The following APBB2 variants were observed in gnomAD, a reference collection of about 807,000 sequenced individuals.
APBB2 encodes the protein amyloid beta precursor protein binding family B member 2.
A neutral mutation model predicts 82.5 loss-of-function variants in APBB2; 38 were observed. The observed-to-expected ratio is 0.46, with a 90% CI of 0.36 to 0.60. The LOEUF (loss-of-function observed/expected upper bound fraction) is 0.60. APBB2 is among the 20% of genes least tolerant of loss of function. APBB2 has a pLI of 0.00. For missense variants in APBB2, 772 were observed against 972.3 expected (o/e 0.79, Z 2.74); for synonymous variants, 341 against 368.2 (o/e 0.93, Z 0.85).
At chr4:40,987,315 A>G (rs1800650408) in intron 6 of APBB2, among the ~76,000 whole-genome samples, 2 of 152,234 alleles carry the variant, frequency 1.3e-5, no homozygotes. Flanking sequence ...GGCACAAAAC[A>G]TACTTCAGCA....
intron 1 of APBB2, among the ~76,000 whole-genome samples, chr4:41,196,021 G>T: frequency 7.0e-6 from 1 of 142,144 alleles, no homozygotes; most frequent in Non-Finnish European, 1.5e-5. Context: ...TTAGCTGGGT[G>T]TGGTGGCGGC....
intron 10 of APBB2, among the ~76,000 whole-genome samples, chr4:40,907,373 A>ATATG (rs1777215053): frequency 2.7e-5 from 1 of 37,418 alleles, no homozygotes; most frequent in Non-Finnish European, 4.5e-5. Context: ...ATATATATAT[A>ATATG]TATATATTTT....
intron 10 of APBB2, among the ~76,000 whole-genome samples, chr4:40,923,127 C>T (rs1443932627): frequency 3.3e-5 from 5 of 151,976 alleles, no homozygotes; most frequent in African/African-American, 9.7e-5. Flanking sequence ...AGGCGCCCGC[C>T]ACCGCGCCCG....
intron 1 of APBB2, among the ~76,000 whole-genome samples, chr4:41,210,872 G>A (rs906312250): frequency 1.1e-4 from 16 of 152,204 alleles, no homozygotes; most frequent in African/African-American, 3.6e-4. Context: ...TTTCAGAGGG[G>A]TTTTCTTAGA....
intron 6 of APBB2, among the ~76,000 whole-genome samples, chr4:40,956,944 G>A (rs1194825158): frequency 2.0e-5 from 3 of 152,088 alleles, no homozygotes; most frequent in Admixed American, 2.0e-4. Context: ...CATTTTCTCG[G>A]GGCTGTATTA....
Position 40,896,292 on chromosome 4 carries a change from G to C in APBB2, c.1255-2881C>G, listed in dbSNP as rs187580362. ...TTGGCCAGGCTGGCCTTGAATTGCT[G>C]ACCTCAAGTGATTGGCCTGCCTTGG... On this transcript the variant is annotated intron_variant, in intron 10 of 17. Transcript: ENST00000508593. 9.8e-5 allele frequency among the ~76,000 whole-genome samples: 15 copies of C among 152,302 alleles called. No individual in the cohort carries two copies. The East Asian group carries it at 2.7e-3, about 27-fold the overall frequency.
Position 41,033,276 on chromosome 4 carries a change from G to C in APBB2, c.-22C>G. ...ACATGGATCACCAGGCGTCAGCAAT[G>C]GTGCAGGAAATAGGTTATAATTTGA... On this transcript the variant is annotated 5_prime_UTR_variant, in exon 5 of 18. Coordinates refer to ENST00000508593, the MANE Select transcript of APBB2 (RefSeq NM_004307.2). 1 of 1,599,166 alleles carries C rather than the reference G, an allele frequency of 6.3e-7. No individual in the cohort carries two copies. The highest frequency in any genetic ancestry group is 1.1e-5 in the South Asian group (1 of 88,128).
intron 2 of APBB2, among the ~76,000 whole-genome samples, chr4:41,123,986 CT>C (rs1229809734): frequency 6.6e-6 from 1 of 152,226 alleles, no homozygotes; most frequent in Non-Finnish European, 1.5e-5. Context: ...AACTCTGCTG[CT>C]GTACCATGAA....
At chr4:40,974,796 T>C (rs1187445069) in intron 6 of APBB2, among the ~76,000 whole-genome samples, 2 of 152,236 alleles carry the variant, frequency 1.3e-5, no homozygotes, top group African/African-American at 4.8e-5. Context: ...AGTCGCTGCC[T>C]TTAAGGAACT....
At chr4:41,199,125 T>A (rs551912998) in intron 1 of APBB2, among the ~76,000 whole-genome samples, 1 of 152,272 alleles carries the variant, frequency 6.6e-6, no homozygotes, top group East Asian at 1.9e-4. Flanking sequence ...CATTTGCAGA[T>A]ATGAAGTATT....
In APBB2 at chr4:40,814,386, C is replaced by T. The variant is rs1197526558; in HGVS notation, c.*1706G>A. 6.6e-6 allele frequency: 1 copy of T among 152,188 alleles called. No homozygotes were observed. The highest frequency in any genetic ancestry group is 1.5e-5 in the Non-Finnish European group (1 of 68,048). The allele number at this position is 152,188 out of a possible 1,614,324, so 9.4% of individuals were successfully genotyped here. On this transcript the variant is annotated 3_prime_UTR_variant, in exon 18 of 18. Coordinates refer to ENST00000508593, the MANE Select transcript of APBB2 (RefSeq NM_004307.2). ...CCAGAATCATTCTGGAAAGGCTCTTCCTGACGGATATGGAGGCAGCACAAC... is the reference window on the plus strand; with the variant it reads ...CCAGAATCATTCTGGAAAGGCTCTTTCTGACGGATATGGAGGCAGCACAAC...
At chr4:41,079,355 T>C (rs1485164953) in intron 3 of APBB2, among the ~76,000 whole-genome samples, 1 of 152,194 alleles carries the variant, frequency 6.6e-6, no homozygotes, top group African/African-American at 2.4e-5. Context: ...GATTGATACA[T>C]TGCTCCAGGA....
chr4:40,994,584 T>C (rs1418157348), intron 6 of APBB2, among the ~76,000 whole-genome samples: 1 of 151,054 alleles, frequency 6.6e-6, no homozygotes, highest in Non-Finnish European at 1.5e-5. Context: ...GAGGGTGAGG[T>C]GGGCAGGATC....
At chr4:41,122,685 A>C (rs1753205935) in intron 2 of APBB2, among the ~76,000 whole-genome samples, 1 of 152,142 alleles carries the variant, frequency 6.6e-6, no homozygotes, top group South Asian at 2.1e-4. Context: ...CTTTTAATCC[A>C]CAAAATGCCA....
At chr4:41,088,478 C>A (rs1201652463) in intron 3 of APBB2, among the ~76,000 whole-genome samples, 1 of 152,180 alleles carries the variant, frequency 6.6e-6, no homozygotes, top group African/African-American at 2.4e-5. Context: ...TTAGGATCTG[C>A]GCTGTGAGAG....
At chr4:41,110,891 G>A (rs1193835856) in intron 2 of APBB2, among the ~76,000 whole-genome samples, 1 of 152,086 alleles carries the variant, frequency 6.6e-6, no homozygotes, top group Non-Finnish European at 1.5e-5. Context: ...TGTTTATAGT[G>A]CACTTTATTT....
chr4:41,065,251 C>T (rs1202269546), intron 4 of APBB2, among the ~76,000 whole-genome samples: 1 of 151,944 alleles, frequency 6.6e-6, no homozygotes, highest in African/African-American at 2.4e-5. Context: ...TGCCACTGGA[C>T]CCCAGCCTGG....
intron 1 of APBB2, among the ~76,000 whole-genome samples, chr4:41,169,848 T>A (rs1767765259): frequency 7.8e-6 from 1 of 128,432 alleles, no homozygotes; most frequent in South Asian, 2.3e-4. Context: ...AAAGAAAATA[T>A]TACTGTAGGT....
At position 40,893,402 on chromosome 4, in the gene APBB2, C is replaced by G. The variant is rs1409223724; in HGVS notation, c.1264G>C (p.Val422Leu). 1.9e-6 allele frequency: 3 copies of G among 1,610,632 alleles called. No individual in the cohort carries two copies. The highest frequency in any genetic ancestry group is 1.7e-5 in the Admixed American group (1 of 59,664). Reference protein sequence around the residue: ...NSDPEAKCFAVRSLGWVEMAE... With the variant: ...NSDPEAKCFALRSLGWVEMAE... ...ATCTCTACCCATCCCAGAGAACGCA[C>G]AGCAAAACACTGGAAGACAGTGAAA... The change falls in exon 11 of 18, where the codon GTG (valine) becomes CTG (leucine). Residue 422 changes from valine to leucine, a missense_variant. Physicochemically the swap from Val to Leu is conservative, Grantham distance 32. Coordinates refer to ENST00000508593, the MANE Select transcript of APBB2 (RefSeq NM_004307.2).
Sources: gnomAD v4.1 joint callset for allele counts (sites outside exome capture counted in the v4.1 genomes callset) on GRCh38, gnomAD v4.1.1 for gene constraint, MANE v1.5 for transcripts, NCBI Gene and HGNC (gene_info 2026-07-23, HGNC 2026-07-21) for gene names.